Variants in MACROD2 observed in about 807,000 individuals in gnomAD.
MACROD2 encodes the protein ADP-ribose glycohydrolase MACROD2.
A neutral mutation model predicts 70.4 loss-of-function variants in MACROD2; 36 were observed. That is an observed-to-expected ratio of 0.51 (90% CI 0.39 to 0.68). The LOEUF (loss-of-function observed/expected upper bound fraction) is 0.68, where lower values mean the gene tolerates loss of function less well. Among genes scored for constraint, MACROD2 ranks in the 30% least tolerant of loss-of-function variants. MACROD2 has a pLI of 0.00. For synonymous variants in MACROD2, 172 were observed against 178.8 expected, an observed-to-expected ratio of 0.96 and a Z score of 0.30; for missense variants, 496 against 538.4, an observed-to-expected ratio of 0.92 and a Z score of 0.78.
chr20:16,032,822 AAGAG>A (rs1233383148), intron 15 of MACROD2, among the ~76,000 whole-genome samples: 2 of 151,468 alleles, frequency 1.3e-5, no homozygotes, highest in Non-Finnish European at 2.9e-5. Flanking sequence ...GGGAGGAAAA[AAGAG>A]AGAAGGAAGG....
At chr20:15,812,564 T>C (rs62194745) in intron 8 of MACROD2, among the ~76,000 whole-genome samples, 22 of 143,976 alleles carry the variant, frequency 1.5e-4, no homozygotes, top group African/African-American at 5.8e-4. Flanking sequence ...GTATATTGGA[T>C]TTAAAAAAAA....
intron 6 of MACROD2, among the ~76,000 whole-genome samples, chr20:15,320,842 C>T (rs752793985): frequency 1.3e-5 from 2 of 152,146 alleles, no homozygotes; most frequent in African/African-American, 4.8e-5. Context: ...TAATGGAATA[C>T]ATCACTTCTT....
intron 4 of MACROD2, among the ~76,000 whole-genome samples, chr20:14,496,268 T>G (rs2084852299): frequency 6.6e-6 from 1 of 152,224 alleles, no homozygotes; most frequent in African/African-American, 2.4e-5. Flanking sequence ...CTAAACAATT[T>G]GATCAAGAAA....
chr20:14,700,522 GGT>G (rs149689043), intron 5 of MACROD2, among the ~76,000 whole-genome samples: 7,710 of 111,060 alleles, frequency 0.069, 236 homozygotes, highest in African/African-American at 0.095. Context: ...GACATATGGT[GGT>G]GTGTGTGTGT....
chr20:15,171,686 C>T (rs1483933451), intron 5 of MACROD2, among the ~76,000 whole-genome samples: 1 of 152,156 alleles, frequency 6.6e-6, no homozygotes, highest in Non-Finnish European at 1.5e-5. Flanking sequence ...AAAGTCACCT[C>T]TCCAAAGAGA....
At chr20:14,108,454 G>C (rs1434600813) in intron 3 of MACROD2, among the ~76,000 whole-genome samples, 5 of 144,406 alleles carry the variant, frequency 3.5e-5, no homozygotes, top group African/African-American at 1.3e-4. Context: ...CCAATCAAAA[G>C]ACATAAAGTG....
chr20:14,660,233 A>G lies in MACROD2; in HGVS notation c.302-24610A>G, dbSNP rs114335419. On this transcript the variant is annotated intron_variant, in intron 4 of 17. Coordinates refer to ENST00000684519, the MANE Select transcript of MACROD2 (RefSeq NM_001351661.2). Reference sequence around the variant, plus strand: ...AGATCCTTGCTAGATAGTGGAGCCTATGTTTTTCTAGAGAAAAGTCCATAT... The same window carrying G: ...AGATCCTTGCTAGATAGTGGAGCCTGTGTTTTTCTAGAGAAAAGTCCATAT... Among the ~76,000 whole-genome samples, 967 of 152,318 alleles carry G rather than the reference A, an allele frequency of 6.3e-3. 11 individuals are homozygous for G. The highest frequency in any genetic ancestry group is 0.022 in the African/African-American group (927 of 41,564).
chr20:15,607,643 C>T (rs1406329789), intron 8 of MACROD2, among the ~76,000 whole-genome samples: 4 of 152,196 alleles, frequency 2.6e-5, no homozygotes, highest in Non-Finnish European at 5.9e-5. Context: ...AAGCGATTCT[C>T]CCACCTCGGC....
chr20:15,797,101 TTTTGTTTG>T (rs754664130), intron 8 of MACROD2, among the ~76,000 whole-genome samples: 18 of 152,100 alleles, frequency 1.2e-4, no homozygotes, highest in African/African-American at 4.1e-4. Context: ...AGGGTTCTTT[TTTTGTTTG>T]TTTGTTTGTT....
chr20:16,016,756 G>A (rs544441708), intron 15 of MACROD2, among the ~76,000 whole-genome samples: 2 of 152,210 alleles, frequency 1.3e-5, no homozygotes, highest in South Asian at 2.1e-4. Context: ...TGCTGGTCTC[G>A]AACGAAACTG....
intron 3 of MACROD2, among the ~76,000 whole-genome samples, chr20:14,110,840 C>A (rs932140630): frequency 6.6e-6 from 1 of 151,808 alleles, no homozygotes; most frequent in Non-Finnish European, 1.5e-5. Flanking sequence ...ATCAAAATAC[C>A]AATGGCATTC....
intron 3 of MACROD2, among the ~76,000 whole-genome samples, chr20:14,134,801 CAAAAAAA>C (rs5840594): frequency 1.0e-5 from 1 of 98,346 alleles, no homozygotes; most frequent in Non-Finnish European, 1.9e-5. Flanking sequence ...GACTCCGTGT[CAAAAAAA>C]AAAAAAAAAA....
chr20:14,832,368 G>T (rs951748305), intron 5 of MACROD2, among the ~76,000 whole-genome samples: 3 of 152,068 alleles, frequency 2.0e-5, no homozygotes, highest in Middle Eastern at 3.4e-3. Flanking sequence ...AGTAAGGGGG[G>T]TTGAAGAATG....
In MACROD2 at chr20:14,847,730, T is replaced by C. The variant is rs998596663; in HGVS notation, c.418+162771T>C. ...GCATACTTTTTGCTTATAATTATAA[T>C]GTGAATTTAAATAGTTTTAGATTGT... On this transcript the variant is annotated intron_variant, in intron 5 of 17. Coordinates refer to ENST00000684519, the MANE Select transcript of MACROD2 (RefSeq NM_001351661.2). Among the ~76,000 whole-genome samples, 6 of 152,282 alleles carry C rather than the reference T, an allele frequency of 3.9e-5. 1 individual carries two copies. Among genetic ancestry groups the C allele is most frequent in the African/African-American group, 7.2e-5 (3 of 41,566 alleles).
intron 8 of MACROD2, among the ~76,000 whole-genome samples, chr20:15,593,215 C>T (rs1428291262): frequency 6.6e-6 from 1 of 152,180 alleles, no homozygotes; most frequent in Non-Finnish European, 1.5e-5. Context: ...ACATTATCCT[C>T]ATCTCATGCT....
At chr20:14,519,478 A>T (rs1416828754) in intron 4 of MACROD2, among the ~76,000 whole-genome samples, 1 of 152,168 alleles carries the variant, frequency 6.6e-6, no homozygotes, top group African/African-American at 2.4e-5. Flanking sequence ...GTTCAACATC[A>T]CTAATTATTA....
chr20:15,252,751 T>G, intron 6 of MACROD2, among the ~76,000 whole-genome samples: 1 of 152,166 alleles, frequency 6.6e-6, no homozygotes, highest in East Asian at 1.9e-4. Context: ...TGGACCACAT[T>G]CCTGTGACCC....
chr20:15,357,083 A>G (rs1478270412), intron 6 of MACROD2, among the ~76,000 whole-genome samples: 1 of 152,168 alleles, frequency 6.6e-6, no homozygotes, highest in Non-Finnish European at 1.5e-5. Flanking sequence ...ATGTGTACCT[A>G]CTTAATGAAA....
intron 5 of MACROD2, among the ~76,000 whole-genome samples, chr20:14,700,483 G>C (rs950962020): frequency 6.6e-6 from 1 of 151,568 alleles, no homozygotes; most frequent in African/African-American, 2.4e-5. Context: ...CTTAGGCATA[G>C]ATGAGTAAGC....
Sources: allele counts gnomAD v4.1 joint callset (sites outside exome capture counted in the v4.1 genomes callset), GRCh38; gene constraint gnomAD v4.1.1; transcripts MANE v1.5; gene names NCBI Gene and HGNC (gene_info 2026-07-23, HGNC 2026-07-21).